The following VRK1 variants were observed in gnomAD, a reference collection of about 807,000 sequenced individuals.
VRK1 encodes the protein VRK serine/threonine kinase 1, also known as serine/threonine-protein kinase VRK1.
Under a neutral mutation model 57.1 loss-of-function variants are expected in VRK1, and 33 were observed. The ratio of observed to expected loss-of-function variants is 0.58; its 90% CI spans 0.44 to 0.77. VRK1 has a LOEUF of 0.77. Ranked by LOEUF, VRK1 falls within the 30% of genes least tolerant of loss-of-function variation. The pLI is 0.00. For synonymous variants in VRK1, 137 were observed against 147.8 expected (o/e 0.93, Z 0.53); for missense variants, 413 against 477.3 (o/e 0.87, Z 1.25).
chr14:96,840,626 C>T (rs1285495119), intron 3 of VRK1, among the ~76,000 whole-genome samples: 1 of 152,096 alleles, frequency 6.6e-6, no homozygotes, highest in Middle Eastern at 3.2e-3. Flanking sequence ...ATATTAAAAT[C>T]TATGGGTAAG....
intron 11 of VRK1, 45 bp from the exon 12 acceptor site, chr14:96,875,985 T>A (rs776078372): frequency 1.3e-6 from 2 of 1,595,096 alleles, no homozygotes; most frequent in Non-Finnish European, 8.6e-7. Context: ...GTAGTTTACT[T>A]GACTGTCAGA....
Position 96,833,519 on chromosome 14 carries a change from G to A in VRK1, c.48G>A (p.Lys16=). 1.2e-6 allele frequency: 2 copies of A among 1,613,814 alleles called. No individual in the cohort carries two copies. Among genetic ancestry groups the A allele is most frequent in the Non-Finnish European group, 1.7e-6 (2 of 1,179,782 alleles). ...AAGCTGGAAGACAGAGCTCTGCAAAGAGACATCTTGCAGAACAATTTGCAG... is the reference window on the plus strand; with the variant it reads ...AAGCTGGAAGACAGAGCTCTGCAAAAAGACATCTTGCAGAACAATTTGCAG... The part of the protein sequence containing the change: ...AAQAGRQSSA[K]RHLAEQFAVG... Residue 16 remains lysine (K), a synonymous_variant, in exon 2 of 13, where the codon AAG becomes AAA. Transcript: ENST00000216639.
chr14:96,803,903 C>G (rs1885767133), intron 1 of VRK1, among the ~76,000 whole-genome samples: 1 of 152,118 alleles, frequency 6.6e-6, no homozygotes, highest in Admixed American at 6.5e-5. Context: ...TTAGAGCATT[C>G]TTTATATGTT....
chr14:96,800,575 A>G (rs980749760), intron 1 of VRK1, among the ~76,000 whole-genome samples: 2 of 152,160 alleles, frequency 1.3e-5, no homozygotes, highest in African/African-American at 2.4e-5. Flanking sequence ...TAAGATTTTT[A>G]TTAGCCACAG....
intron 1 of VRK1, among the ~76,000 whole-genome samples, chr14:96,801,405 A>C (rs1268171771): frequency 6.6e-6 from 1 of 152,208 alleles, no homozygotes; most frequent in Non-Finnish European, 1.5e-5. Context: ...TTAGACCTTA[A>C]GTATTTATAG....
chr14:96,846,223 G>T, intron 4 of VRK1, 59 bp downstream of exon 4: 1 of 1,498,922 alleles, frequency 6.7e-7, no homozygotes, highest in Non-Finnish European at 9.3e-7. Flanking sequence ...TTTGTTTTAA[G>T]CCAAGACCTA....
At chr14:96,868,802 T>G (rs1360381106) in intron 11 of VRK1, among the ~76,000 whole-genome samples, 1 of 30,748 alleles carries the variant, frequency 3.3e-5, no homozygotes, top group Non-Finnish European at 7.0e-5. Context: ...ATTTCTGTGC[T>G]TTTTTTTTTT....
chr14:96,853,102 A>G lies in VRK1; in HGVS notation c.512A>G (p.His171Arg). The G allele has an allele frequency of 6.2e-7, 1 of 1,613,888 alleles. No homozygotes were observed. Among genetic ancestry groups the G allele is most frequent in the Non-Finnish European group, 8.5e-7 (1 of 1,179,844 alleles). ...GATATTCTGGAATATATTCACGAGC[A>G]TGAGTATGTGCATGGAGATATCAAG... ...ILDILEYIHE[H>R]EYVHGDIKAS... The change falls in exon 7 of 13, where the codon CAT becomes CGT. Residue 171 changes from histidine (H) to arginine (R), a missense_variant. By Grantham distance (29) the His-to-Arg change is conservative (BLOSUM62 0). Around this residue, in one of 3 missense-constraint regions of VRK1, gnomAD observed 151 missense variants for 225.5 expected, o/e 0.67. Transcript: ENST00000216639.
intron 10 of VRK1, 91 bp downstream of exon 10, chr14:96,856,677 GT>G: frequency 8.6e-7 from 1 of 1,160,784 alleles, no homozygotes; most frequent in Non-Finnish European, 1.3e-6. Flanking sequence ...AATGTAAGAT[GT>G]TAGGTGGTGG....
chr14:96,851,355 G>T (rs1031865237), intron 5 of VRK1, among the ~76,000 whole-genome samples: 2 of 152,034 alleles, frequency 1.3e-5, no homozygotes, highest in African/African-American at 2.4e-5. Flanking sequence ...TGGCCAGGCT[G>T]GTCTCGAACT....
At chr14:96,821,565 A>G (rs1310456072) in intron 1 of VRK1, among the ~76,000 whole-genome samples, 1 of 152,216 alleles carries the variant, frequency 6.6e-6, no homozygotes. Flanking sequence ...GATAAATGCA[A>G]TTATTGCTTT....
At chr14:96,879,762 C>T (rs964543168) in intron 12 of VRK1, among the ~76,000 whole-genome samples, 1 of 151,498 alleles carries the variant, frequency 6.6e-6, no homozygotes, top group Non-Finnish European at 1.5e-5. Flanking sequence ...AAGTCTAAGT[C>T]CTACTAAAAT....
chr14:96,805,766 AGGTTACC>A (rs1885848532), intron 1 of VRK1, among the ~76,000 whole-genome samples: 1 of 152,206 alleles, frequency 6.6e-6, no homozygotes, highest in Admixed American at 6.5e-5. Flanking sequence ...ACAGTGTAAG[AGGTTACC>A]ATTGACACAT....
chr14:96,869,513 T>C (rs1332393606), intron 11 of VRK1, among the ~76,000 whole-genome samples: 2 of 152,196 alleles, frequency 1.3e-5, no homozygotes, highest in East Asian at 1.9e-4. Flanking sequence ...TATGAATTGG[T>C]AAAAGTTGAT....
At chr14:96,839,224 A>G (rs1349987260) in intron 3 of VRK1, among the ~76,000 whole-genome samples, 1 of 151,490 alleles carries the variant, frequency 6.6e-6, no homozygotes, top group African/African-American at 2.4e-5. Flanking sequence ...TTGTTGGTGT[A>G]TCAATCATTT....
chr14:96,846,916 A>C (rs562959954), intron 4 of VRK1, among the ~76,000 whole-genome samples: 1 of 152,190 alleles, frequency 6.6e-6, no homozygotes, highest in South Asian at 2.1e-4. Flanking sequence ...GGACTTGAGC[A>C]TCTGGATTTT....
intron 2 of VRK1, among the ~76,000 whole-genome samples, chr14:96,837,182 A>G (rs1887253526): frequency 6.6e-6 from 1 of 152,212 alleles, no homozygotes; most frequent in Admixed American, 6.5e-5. Context: ...GCAACCTTAT[A>G]TTTCTAACTC....
At chr14:96,828,900 G>A (rs1248457413) in intron 1 of VRK1, among the ~76,000 whole-genome samples, 1 of 152,190 alleles carries the variant, frequency 6.6e-6, no homozygotes, top group Non-Finnish European at 1.5e-5. Flanking sequence ...GATTATAGGG[G>A]CCAGCAAGAG....
chr14:96,856,482 A>T, intron 9 of VRK1, 46 bp from the exon 10 acceptor site: 1 of 1,480,922 alleles, frequency 6.8e-7, no homozygotes, highest in Non-Finnish European at 9.4e-7. Flanking sequence ...TTTCATATTA[A>T]CATATGACAT....
Sources: gnomAD v4.1 joint callset for allele counts (sites outside exome capture counted in the v4.1 genomes callset) on GRCh38, gnomAD v4.1.1 for gene constraint, gnomAD v4.1.1 regional missense constraint, MANE v1.5 for transcripts, NCBI Gene and HGNC (gene_info 2026-07-23, HGNC 2026-07-21) for gene names.